Variants in PBRM1 observed in about 807,000 individuals in gnomAD.
PBRM1 encodes protein polybromo-1.
Under a neutral mutation model 194.5 loss-of-function variants are expected in PBRM1, and 27 were observed. The observed-to-expected ratio is 0.14, with a 90% confidence interval of 0.10 to 0.19. The LOEUF is 0.19. Ranked by LOEUF, PBRM1 falls within the 10% of genes least tolerant of loss-of-function variation. The pLI is 1.00. For missense variants in PBRM1, 1,466 were observed against 2,077.2 expected (o/e 0.71, Z 5.72); for synonymous variants, 655 against 693.2 (o/e 0.94, Z 0.87).
chr3:52,679,430 T>C (rs2097166477), intron 1 of PBRM1, 144 bp downstream of exon 2: 3 of 689,364 alleles, frequency 4.4e-6, no homozygotes, highest in Non-Finnish European at 7.4e-6. Flanking sequence ...GCTGAATACA[T>C]AATGTTCATA....
intron 17 of PBRM1, among the ~76,000 whole-genome samples, chr3:52,591,458 A>C (rs1214504697): frequency 4.0e-5 from 6 of 150,634 alleles, no homozygotes; most frequent in Non-Finnish European, 8.8e-5. Context: ...AGAGTTTTTA[A>C]TATGTCAAAA....
intron 13 of PBRM1, among the ~76,000 whole-genome samples, chr3:52,626,612 C>T (rs1050956903): frequency 6.6e-6 from 1 of 151,970 alleles, no homozygotes; most frequent in Admixed American, 6.6e-5. Flanking sequence ...CTTTGTGTGG[C>T]GAGAGATAAT....
chr3:52,684,354 T>C (rs967972922), upstream of PBRM1, among the ~76,000 whole-genome samples: 1 of 152,118 alleles, frequency 6.6e-6, no homozygotes, highest in Admixed American at 6.5e-5. Flanking sequence ...TACTTAATAA[T>C]GTGCAACTGG....
chr3:52,610,676 T>C (rs1576671308), intron 15 of PBRM1, among the ~76,000 whole-genome samples: 1 of 152,172 alleles, frequency 6.6e-6, no homozygotes, highest in African/African-American at 2.4e-5. Context: ...TGGTGGCTCA[T>C]GCCTGTAATC....
chr3:52,679,757 T>C (rs2154068087), upstream of PBRM1: 3 of 1,582,254 alleles, frequency 1.9e-6, no homozygotes, highest in East Asian at 4.5e-5. Flanking sequence ...TGTTCTTACA[T>C]TTAAATAGAC....
chr3:52,641,465 A>AAAAAAAAAAAAAAAAG (rs1560665000), intron 10 of PBRM1, among the ~76,000 whole-genome samples: 1 of 131,268 alleles, frequency 7.6e-6, no homozygotes, highest in Non-Finnish European at 1.5e-5. Flanking sequence ...AAAAAAAAAG[A>AAAAAAAAAAAAAAAAG]AAAAAAAAAG....
chr3:52,677,233 T>C (rs749776968), intron 2 of PBRM1, among the ~76,000 whole-genome samples: 38 of 152,060 alleles, frequency 2.5e-4, no homozygotes, highest in Non-Finnish European at 4.3e-4. Flanking sequence ...CTTTTGTACA[T>C]CTAAGGACAC....
chr3:52,600,076 C>T (rs4687637), intron 17 of PBRM1, among the ~76,000 whole-genome samples: 63,241 of 151,792 alleles, frequency 0.42, 13,416 homozygotes, highest in Admixed American at 0.5. Flanking sequence ...TGTGACACTT[C>T]GTTGCATTTA....
chr3:52,589,460 T>A (rs1354566815), intron 17 of PBRM1, among the ~76,000 whole-genome samples: 1 of 152,198 alleles, frequency 6.6e-6, no homozygotes, highest in African/African-American at 2.4e-5. Context: ...ATTACAACCA[T>A]CATTAATTTA....
chr3:52,662,425 G>A (rs983006929), intron 3 of PBRM1, 149 bp from the exon 5 acceptor site: 8 of 611,926 alleles, frequency 1.3e-5, no homozygotes, highest in Admixed American at 3.2e-5. Context: ...TCCAAATCCC[G>A]CTTCCAAAAA....
At chr3:52,619,916 A>T (rs969598919) in intron 13 of PBRM1, among the ~76,000 whole-genome samples, 2 of 152,214 alleles carry the variant, frequency 1.3e-5, no homozygotes, top group Non-Finnish European at 2.9e-5. Flanking sequence ...AGTTGGGATC[A>T]TCCTCATAAC....
chr3:52,641,465 A>AAAAAAAAAAG (rs1560665051), intron 10 of PBRM1, among the ~76,000 whole-genome samples: 45 of 131,254 alleles, frequency 3.4e-4, no homozygotes, highest in African/African-American at 1.4e-3. Context: ...AAAAAAAAAG[A>AAAAAAAAAAG]AAAAAAAAAG....
intron 24 of PBRM1, among the ~76,000 whole-genome samples, chr3:52,562,213 G>C (rs2083742457): frequency 6.6e-6 from 1 of 151,658 alleles, no homozygotes; most frequent in African/African-American, 2.4e-5. Context: ...TGTAGTCCCA[G>C]CTACTCAGGA....
At chr3:52,586,292 G>T in intron 20 of PBRM1, 133 bp downstream of exon 22, 1 of 747,344 alleles carries the variant, frequency 1.3e-6, no homozygotes. Flanking sequence ...TTCTGTTATA[G>T]TTTCCTTCTT....
At chr3:52,626,896 C>T (rs2095465743) in intron 13 of PBRM1, among the ~76,000 whole-genome samples, 2 of 151,904 alleles carry the variant, frequency 1.3e-5, no homozygotes, top group African/African-American at 4.8e-5. Flanking sequence ...GTGGTAGTAT[C>T]AAATTTCTCC....
At chr3:52,671,574 T>A (rs546569034) in intron 2 of PBRM1, among the ~76,000 whole-genome samples, 1 of 152,360 alleles carries the variant, frequency 6.6e-6, no homozygotes, top group South Asian at 2.1e-4. Context: ...CTTGTGCAAG[T>A]TCTCACCTAT....
chr3:52,569,632 T>C (rs2086414732), intron 22 of PBRM1, among the ~76,000 whole-genome samples: 1 of 152,256 alleles, frequency 6.6e-6, no homozygotes. Context: ...CTTTATGACA[T>C]TGAAACCTAC....
intron 2 of PBRM1, 99 bp from the exon 4 acceptor site, chr3:52,668,744 A>G: frequency 5.6e-6 from 3 of 539,364 alleles, no homozygotes; most frequent in Non-Finnish European, 9.1e-6. Context: ...TCCAAGTGAC[A>G]GAGCATATTA....
In PBRM1 at chr3:52,599,257, A is replaced by G. The variant is rs540138246; in HGVS notation, c.2779+4264T>C. Among the ~76,000 whole-genome samples, 142 of 152,338 alleles carry G rather than the reference A, an allele frequency of 9.3e-4. 1 individual carries two copies. The highest frequency in any genetic ancestry group is 3.3e-3 in the African/African-American group (136 of 41,580). On this transcript the variant is annotated intron_variant, in intron 17 of 29. Coordinates refer to ENST00000296302, the Ensembl canonical transcript of PBRM1. ...TTTCGATAACATGGATACAACGTAT[A>G]ACAATCAAATCAGGGTAATTAGCAT...
Sources: gnomAD v4.1 joint callset for allele counts (sites outside exome capture counted in the v4.1 genomes callset) on GRCh38, gnomAD v4.1.1 for gene constraint, MANE v1.5 for transcripts, NCBI Gene and HGNC (gene_info 2026-07-23, HGNC 2026-07-21) for gene names.